NOS1AP: variants seen among roughly 807,000 people sequenced by gnomAD.
The protein encoded by NOS1AP is carboxyl-terminal PDZ ligand of neuronal nitric oxide synthase protein.
Under a neutral mutation model 56.2 loss-of-function variants are expected in NOS1AP, and 21 were observed. The observed-to-expected ratio is 0.37, with a 90% CI of 0.26 to 0.54. The LOEUF is 0.54. Ranked by LOEUF, NOS1AP falls within the 20% of genes least tolerant of loss-of-function variation. The pLI is 0.84. For synonymous variants in NOS1AP, 270 were observed against 274.6 expected, an observed-to-expected ratio of 0.98 and a Z score of 0.17; for missense variants, 522 against 657.8, an observed-to-expected ratio of 0.79 and a Z score of 2.26.
At chr1:162,325,054 A>C (rs1319129198) in intron 4 of NOS1AP, among the ~76,000 whole-genome samples, 1 of 152,132 alleles carries the variant, frequency 6.6e-6, no homozygotes, top group Non-Finnish European at 1.5e-5. Context: ...TGAGTTTATT[A>C]CCCTTCTTTT....
intron 5 of NOS1AP, 75 bp from the exon 6 acceptor site, chr1:162,343,760 C>T: frequency 6.5e-7 from 1 of 1,548,540 alleles, no homozygotes; most frequent in Non-Finnish European, 8.9e-7. Flanking sequence ...CTTTCTTTGG[C>T]TGCTTCATGA....
At chr1:162,238,082 C>T (rs1367828548) in intron 2 of NOS1AP, among the ~76,000 whole-genome samples, 2 of 151,976 alleles carry the variant, frequency 1.3e-5, no homozygotes, top group African/African-American at 2.4e-5. Flanking sequence ...TCTGCTTGAC[C>T]GTGCTGTTGT....
At chr1:162,123,848 C>T (rs1648357710) in intron 1 of NOS1AP, among the ~76,000 whole-genome samples, 1 of 151,942 alleles carries the variant, frequency 6.6e-6, no homozygotes, top group African/African-American at 2.4e-5. Flanking sequence ...CAAGATGTTC[C>T]TTCTTCTATA....
intron 1 of NOS1AP, among the ~76,000 whole-genome samples, chr1:162,122,655 T>C (rs2102053772): frequency 6.6e-6 from 1 of 152,042 alleles, no homozygotes; most frequent in Admixed American, 6.6e-5. Flanking sequence ...CTATAGGCGC[T>C]TACCACCATG....
At chr1:162,112,288 T>G (rs1647741581) in intron 1 of NOS1AP, among the ~76,000 whole-genome samples, 1 of 152,206 alleles carries the variant, frequency 6.6e-6, no homozygotes. Context: ...GTACCATATA[T>G]TGTCTGTGGA....
chr1:162,076,730 T>C lies in NOS1AP; in HGVS notation c.105+6448T>C, dbSNP rs189824492. Among the ~76,000 whole-genome samples, 6 of 152,294 alleles carry C rather than the reference T, an allele frequency of 3.9e-5. No individual in the cohort carries two copies. The East Asian group carries it at 5.8e-4, about 15-fold the overall frequency. Reference sequence around the variant, plus strand: ...AAAATACAAAATTAGCTGGGCATGATGGCACACACCTGTAATCCTTACCCC... The same window carrying C: ...AAAATACAAAATTAGCTGGGCATGACGGCACACACCTGTAATCCTTACCCC... On this transcript the variant is annotated intron_variant, in intron 1 of 9. Coordinates refer to ENST00000361897, the MANE Select transcript of NOS1AP (RefSeq NM_014697.3).
intron 2 of NOS1AP, among the ~76,000 whole-genome samples, chr1:162,155,154 T>TAACA (rs1432772672): frequency 6.6e-6 from 1 of 151,366 alleles, no homozygotes; most frequent in East Asian, 1.9e-4. Flanking sequence ...TGGAGCTAGT[T>TAACA]AACAAAATGG....
intron 3 of NOS1AP, among the ~76,000 whole-genome samples, chr1:162,293,912 A>G (rs1361825216): frequency 6.6e-6 from 1 of 152,192 alleles, no homozygotes; most frequent in African/African-American, 2.4e-5. Context: ...CTTTCCCTAA[A>G]TGGAGGAAAT....
At position 162,355,272 on chromosome 1, in the gene NOS1AP, G is replaced by A; in HGVS notation, c.681G>A (p.Gly227=). 1 of 1,614,082 alleles carries A rather than the reference G, an allele frequency of 6.2e-7. No individual in the cohort carries two copies. The highest frequency in any genetic ancestry group is 1.7e-5 in the Admixed American group (1 of 60,020). ...ATGCGGTGGAGGTCCCACTTCCAGG[G>A]AATGATGTCCTGGAATTCAGCCGAG... ...DIDAVEVPLP[G]NDVLEFSRGV... is the part of the protein sequence containing the mutation. Residue 227 remains glycine (G), a synonymous_variant, in exon 7 of 10, where the codon GGG becomes GGA. Transcript: ENST00000361897.
At chr1:162,232,986 A>G (rs1290378392) in intron 2 of NOS1AP, among the ~76,000 whole-genome samples, 3 of 152,148 alleles carry the variant, frequency 2.0e-5, no homozygotes, top group African/African-American at 7.2e-5. Flanking sequence ...GCAGAATTCA[A>G]ATTTACAGTC....
intron 2 of NOS1AP, among the ~76,000 whole-genome samples, chr1:162,249,361 C>T (rs1249281576): frequency 1.3e-5 from 2 of 152,178 alleles, no homozygotes; most frequent in Non-Finnish European, 2.9e-5. Context: ...AAAGCAATGT[C>T]TCATGTGAAC....
chr1:162,183,880 T>A (rs1214972126), intron 2 of NOS1AP, among the ~76,000 whole-genome samples: 1 of 152,242 alleles, frequency 6.6e-6, no homozygotes, highest in Non-Finnish European at 1.5e-5. Flanking sequence ...TTTGCTTTCT[T>A]ATTATGCATG....
At chr1:162,081,774 A>ATTTTTTTTTTTTTTTT (rs59767273) in intron 1 of NOS1AP, among the ~76,000 whole-genome samples, 3 of 44,054 alleles carry the variant, frequency 6.8e-5, no homozygotes, top group Admixed American at 3.2e-4. Flanking sequence ...ATATATATAT[A>ATTTTTTTTTTTTTTTT]TTTTTTTTTT....
chr1:162,191,673 C>G (rs142096565), intron 2 of NOS1AP, among the ~76,000 whole-genome samples: 6 of 152,122 alleles, frequency 3.9e-5, no homozygotes, highest in Non-Finnish European at 5.9e-5. Context: ...TCCTCTTCCT[C>G]CCCCATTGAT....
intron 1 of NOS1AP, among the ~76,000 whole-genome samples, chr1:162,148,098 A>G (rs1558122410): frequency 6.6e-6 from 1 of 151,906 alleles, no homozygotes; most frequent in Non-Finnish European, 1.5e-5. Context: ...ATAAAAGTCA[A>G]GTAAGTTTTG....
intron 1 of NOS1AP, among the ~76,000 whole-genome samples, chr1:162,119,505 A>C (rs1648112178): frequency 6.6e-6 from 1 of 152,214 alleles, no homozygotes; most frequent in African/African-American, 2.4e-5. Flanking sequence ...AAGCCAAAAA[A>C]CAAAACAAAA....
intron 2 of NOS1AP, among the ~76,000 whole-genome samples, chr1:162,269,946 G>GT (rs1162467230): frequency 1.3e-5 from 2 of 152,256 alleles, no homozygotes; most frequent in Non-Finnish European, 2.9e-5. Context: ...GTCTAAGGGT[G>GT]TTAATCTGCA....
At chr1:162,237,515 A>T (rs1294788271) in intron 2 of NOS1AP, among the ~76,000 whole-genome samples, 1 of 152,216 alleles carries the variant, frequency 6.6e-6, no homozygotes, top group Admixed American at 6.5e-5. Context: ...TCCCCTTTTC[A>T]GCTCAGTGCC....
At chr1:162,302,282 C>T (rs1222467374) in intron 4 of NOS1AP, among the ~76,000 whole-genome samples, 1 of 152,142 alleles carries the variant, frequency 6.6e-6, no homozygotes, top group Non-Finnish European at 1.5e-5. Context: ...CCAAATGAAG[C>T]ACTTAATAAA....
Sources: allele counts gnomAD v4.1 joint callset (sites outside exome capture counted in the v4.1 genomes callset), GRCh38; gene constraint gnomAD v4.1.1; transcripts MANE v1.5; gene names NCBI Gene and HGNC (gene_info 2026-07-23, HGNC 2026-07-21).